RASGRP3: variants seen among roughly 807,000 people sequenced by gnomAD.
RASGRP3 encodes the protein RAS guanyl releasing protein 3, also known as ras guanyl-releasing protein 3.
RASGRP3 carries 54 observed loss-of-function variants against 82.7 expected under a neutral mutation model. The ratio of observed to expected loss-of-function variants is 0.65; its 90% CI spans 0.52 to 0.82. RASGRP3 has a LOEUF of 0.82. Ranked by LOEUF, RASGRP3 falls within the 40% of genes least tolerant of loss-of-function variation. RASGRP3 has a pLI of 0.00. For synonymous variants in RASGRP3, 309 were observed against 300.5 expected, an observed-to-expected ratio of 1.03 and a Z score of -0.29; for missense variants, 861 against 828.9, an observed-to-expected ratio of 1.04 and a Z score of -0.48.
intron 1 of RASGRP3, among the ~76,000 whole-genome samples, chr2:33,480,634 G>A (rs1667809090): frequency 6.6e-6 from 1 of 152,130 alleles, no homozygotes. Context: ...TTTACAATAA[G>A]GAAACACATT....
At chr2:33,505,326 G>C (rs1233528288) in intron 1 of RASGRP3, among the ~76,000 whole-genome samples, 7 of 150,744 alleles carry the variant, frequency 4.6e-5, no homozygotes, top group Admixed American at 4.6e-4. Flanking sequence ...CTTTGAGATG[G>C]AGTTTTGCTC....
chr2:33,484,605 T>C (rs1205835275), intron 1 of RASGRP3, among the ~76,000 whole-genome samples: 1 of 152,146 alleles, frequency 6.6e-6, no homozygotes, highest in East Asian at 1.9e-4. Context: ...CTGTAATCCA[T>C]TTCTCTCCCC....
At chr2:33,550,269 T>C (rs1574486093) in intron 14 of RASGRP3, among the ~76,000 whole-genome samples, 1 of 152,354 alleles carries the variant, frequency 6.6e-6, no homozygotes, top group East Asian at 1.9e-4. Context: ...ATAGACATTA[T>C]GGTAACTAAT....
chr2:33,491,106 G>A (rs991919244), intron 1 of RASGRP3, among the ~76,000 whole-genome samples: 2 of 152,002 alleles, frequency 1.3e-5, no homozygotes, highest in East Asian at 1.9e-4. Context: ...GCTTGAGGCC[G>A]GGAGTTTGAG....
In RASGRP3 at chr2:33,556,231, C is replaced by CTTTTTTT. The variant is rs573022728; in HGVS notation, c.1579+685_1579+691dup. ...CAGTTTATATGGTTCTTCTAATAAT[C>CTTTTTTT]TTTTTTTTTTTTTTTTTTTTTTTTT... On this transcript the variant is annotated intron_variant, in intron 15 of 17. Transcript: ENST00000403687. 3.3e-4 allele frequency among the ~76,000 whole-genome samples: 19 copies of CTTTTTTT among 57,498 alleles called. 3 individuals carry two copies. Among genetic ancestry groups the CTTTTTTT allele is most frequent in the African/African-American group, 1.4e-3 (13 of 9,310 alleles). 37.7% of individuals were successfully genotyped at this position (57,498 alleles called of 152,430 possible). A position where few individuals can be genotyped will look rare whatever the true frequency, so the allele number is the denominator to read the frequency against.
intron 1 of RASGRP3, among the ~76,000 whole-genome samples, chr2:33,445,757 A>T (rs1205946398): frequency 2.0e-5 from 3 of 152,032 alleles, no homozygotes; most frequent in Non-Finnish European, 4.4e-5. Flanking sequence ...TATTAATAAT[A>T]TGTTAATTAA....
intron 2 of RASGRP3, among the ~76,000 whole-genome samples, chr2:33,458,792 T>C (rs527710359): frequency 6.6e-6 from 1 of 152,328 alleles, no homozygotes; most frequent in Non-Finnish European, 1.5e-5. Flanking sequence ...ATTTTTGTCC[T>C]TAATAGCACA....
chr2:33,560,883 G>A (rs1042735636), intron 17 of RASGRP3, among the ~76,000 whole-genome samples: 7 of 152,190 alleles, frequency 4.6e-5, no homozygotes, highest in African/African-American at 2.4e-5. Flanking sequence ...TTCTGAGTTA[G>A]GAGAAATTCA....
intron 2 of RASGRP3, among the ~76,000 whole-genome samples, chr2:33,459,949 A>C (rs1666266634): frequency 6.6e-6 from 1 of 152,190 alleles, no homozygotes; most frequent in Non-Finnish European, 1.5e-5. Context: ...TTGAGAAGAG[A>C]GCTCAGAGGA....
At chr2:33,459,104 T>C (rs1236696782) in intron 2 of RASGRP3, among the ~76,000 whole-genome samples, 1 of 152,108 alleles carries the variant, frequency 6.6e-6, no homozygotes, top group African/African-American at 2.4e-5. Context: ...CATATTACAA[T>C]CTTGATCCTC....
intron 1 of RASGRP3, among the ~76,000 whole-genome samples, chr2:33,504,842 G>T (rs1003821745): frequency 2.6e-5 from 4 of 152,176 alleles, no homozygotes; most frequent in Admixed American, 1.3e-4. Flanking sequence ...TACTTATGCA[G>T]TTGTTAAAAA....
chr2:33,494,495 C>T (rs967721492), intron 1 of RASGRP3, among the ~76,000 whole-genome samples: 2 of 152,148 alleles, frequency 1.3e-5, no homozygotes, highest in Admixed American at 6.5e-5. Context: ...AAGGGTCTAC[C>T]GTGATGAATA....
At chr2:33,442,438 A>C (rs1487711923) in intron 1 of RASGRP3, among the ~76,000 whole-genome samples, 4 of 152,222 alleles carry the variant, frequency 2.6e-5, no homozygotes, top group Non-Finnish European at 5.9e-5. Context: ...ATAAGCATGT[A>C]CTACTTTTAT....
At chr2:33,499,787 T>C (rs764952517) in intron 1 of RASGRP3, among the ~76,000 whole-genome samples, 1 of 145,118 alleles carries the variant, frequency 6.9e-6, no homozygotes, top group Non-Finnish European at 1.5e-5. Context: ...GAGGATAAGA[T>C]TAGAGAAGAA....
At chr2:33,538,898 G>C (rs1037523646) in intron 11 of RASGRP3, among the ~76,000 whole-genome samples, 196 bp from the exon 12 acceptor site, 1 of 152,088 alleles carries the variant, frequency 6.6e-6, no homozygotes, top group Non-Finnish European at 1.5e-5. Flanking sequence ...AATTAGCTGG[G>C]CGTGGTGGCA....
At chr2:33,455,788 T>A (rs1666005678) in intron 2 of RASGRP3, among the ~76,000 whole-genome samples, 1 of 152,208 alleles carries the variant, frequency 6.6e-6, no homozygotes, top group Non-Finnish European at 1.5e-5. Flanking sequence ...TTCAAATTCC[T>A]TAAAGGAGTT....
chr2:33,515,081 G>A lies in RASGRP3; in HGVS notation c.-56G>A. The A allele has an allele frequency of 6.5e-7, 1 of 1,527,842 alleles. No individual in the cohort carries two copies. The allele number at this position is 1,527,842 out of a possible 1,614,324, so 94.6% of individuals were successfully genotyped here. On this transcript the variant is annotated 5_prime_UTR_variant, in exon 3 of 18. Coordinates refer to ENST00000403687, the MANE Select transcript of RASGRP3 (RefSeq NM_001139488.2). ...CATCGCTGACTTGCATGATTATGGA[G>A]ATGGTCTATCTGATGCTGAAAATGT...
At chr2:33,452,494 C>A (rs1665852649) in intron 2 of RASGRP3, among the ~76,000 whole-genome samples, 1 of 152,172 alleles carries the variant, frequency 6.6e-6, no homozygotes, top group Non-Finnish European at 1.5e-5. Context: ...AGGCCTGGAG[C>A]TTGCATCTCC....
chr2:33,478,496 C>T (rs944828316), intron 1 of RASGRP3, among the ~76,000 whole-genome samples: 1 of 152,234 alleles, frequency 6.6e-6, no homozygotes, highest in Non-Finnish European at 1.5e-5. Context: ...TCTCCGGAAT[C>T]ATCGAGCCTC....
Sources: gnomAD v4.1 joint callset for allele counts (sites outside exome capture counted in the v4.1 genomes callset) on GRCh38, gnomAD v4.1.1 for gene constraint, MANE v1.5 for transcripts, NCBI Gene and HGNC (gene_info 2026-07-23, HGNC 2026-07-21) for gene names.